Variants in MACROD2 observed in about 807,000 individuals in gnomAD.
The protein encoded by MACROD2 is ADP-ribose glycohydrolase MACROD2.
A neutral mutation model predicts 70.4 loss-of-function variants in MACROD2; 36 were observed. That is an observed-to-expected ratio of 0.51 (90% confidence interval 0.39 to 0.68). MACROD2 has a LOEUF of 0.68. Among genes scored for constraint, MACROD2 ranks in the 30% least tolerant of loss-of-function variants. MACROD2 has a pLI of 0.00. For missense variants in MACROD2, 496 were observed against 538.4 expected (o/e 0.92, Z 0.78); for synonymous variants, 172 against 178.8 (o/e 0.96, Z 0.30).
At chr20:14,436,210 A>G (rs1397527144) in intron 3 of MACROD2, among the ~76,000 whole-genome samples, 1 of 152,164 alleles carries the variant, frequency 6.6e-6, no homozygotes. Context: ...AAGTGATACA[A>G]TGTCATGCAT....
At chr20:15,800,616 C>T (rs753803866) in intron 8 of MACROD2, among the ~76,000 whole-genome samples, 7 of 152,112 alleles carry the variant, frequency 4.6e-5, no homozygotes, top group African/African-American at 1.2e-4. Context: ...AGGTGAGGGG[C>T]GCCTCTGCCC....
chr20:14,280,521 A>G (rs377424445), intron 3 of MACROD2, among the ~76,000 whole-genome samples: 8 of 152,158 alleles, frequency 5.3e-5, no homozygotes, highest in Non-Finnish European at 1.2e-4. Flanking sequence ...CTAGATTAGC[A>G]GGTATCTGAC....
chr20:15,312,823 ATG>A (rs1291011713), intron 6 of MACROD2, among the ~76,000 whole-genome samples: 1 of 152,096 alleles, frequency 6.6e-6, no homozygotes, highest in Non-Finnish European at 1.5e-5. Flanking sequence ...ATTCCATTAT[ATG>A]TGTGTGTATA....
At chr20:14,558,241 G>A (rs771231272) in intron 4 of MACROD2, among the ~76,000 whole-genome samples, 6 of 151,846 alleles carry the variant, frequency 4.0e-5, no homozygotes, top group South Asian at 4.1e-4. Flanking sequence ...TTTCTTTGGC[G>A]GATGAAGAAA....
chr20:14,784,681 G>GC (rs2072345874), intron 5 of MACROD2, among the ~76,000 whole-genome samples: 2 of 108,392 alleles, frequency 1.8e-5, no homozygotes, highest in Non-Finnish European at 3.9e-5. Flanking sequence ...GGGGGGGGGG[G>GC]CACCAGATTC....
chr20:15,765,079 G>C (rs1020432292), intron 8 of MACROD2, among the ~76,000 whole-genome samples: 5 of 151,994 alleles, frequency 3.3e-5, no homozygotes, highest in African/African-American at 1.2e-4. Flanking sequence ...CTTCTCAAAT[G>C]GCACTTCCTC....
intron 5 of MACROD2, among the ~76,000 whole-genome samples, chr20:15,006,267 G>A (rs1275829728): frequency 6.6e-6 from 1 of 150,538 alleles, no homozygotes; most frequent in Non-Finnish European, 1.5e-5. Context: ...AAGAAAAATA[G>A]ATCCATGACC....
intron 9 of MACROD2, among the ~76,000 whole-genome samples, chr20:15,883,227 G>T (rs2064780190): frequency 6.6e-6 from 1 of 151,988 alleles, no homozygotes; most frequent in South Asian, 2.1e-4. Flanking sequence ...AAACTGTAGA[G>T]ACTCTTTTTT....
intron 5 of MACROD2, among the ~76,000 whole-genome samples, chr20:14,756,352 A>G (rs1002874703): frequency 1.3e-5 from 2 of 152,188 alleles, no homozygotes; most frequent in African/African-American, 4.8e-5. Context: ...TCAACATTTC[A>G]TCTTATTTTT....
chr20:14,060,688 T>C (rs1055951906), intron 2 of MACROD2, among the ~76,000 whole-genome samples: 3 of 152,168 alleles, frequency 2.0e-5, no homozygotes, highest in Non-Finnish European at 2.9e-5. Flanking sequence ...AGTCCACTTA[T>C]GCTATTATGT....
At chr20:15,396,814 C>G (rs939222502) in intron 6 of MACROD2, among the ~76,000 whole-genome samples, 22 of 152,164 alleles carry the variant, frequency 1.4e-4, no homozygotes, top group Non-Finnish European at 5.9e-5. Context: ...CTTTTATGCT[C>G]CCACTCATCT....
At chr20:14,473,475 G>A (rs2084553492) in intron 3 of MACROD2, among the ~76,000 whole-genome samples, 1 of 152,182 alleles carries the variant, frequency 6.6e-6, no homozygotes, top group Non-Finnish European at 1.5e-5. Flanking sequence ...GCAAGTGACA[G>A]AACTGTCTTG....
At chr20:14,249,859 G>A (rs3747927) in intron 3 of MACROD2, among the ~76,000 whole-genome samples, 90,286 of 151,774 alleles carry the variant, frequency 0.59, 27,142 homozygotes, top group Non-Finnish European at 0.63. Context: ...GATAATGGAG[G>A]AACTGAATAA....
intron 3 of MACROD2, among the ~76,000 whole-genome samples, chr20:14,178,892 G>A (rs1717842088): frequency 6.6e-6 from 1 of 151,936 alleles, no homozygotes; most frequent in Admixed American, 6.6e-5. Flanking sequence ...CTTACACGAT[G>A]GTTCCAAACT....
chr20:15,772,239 T>C (rs1465599656), intron 8 of MACROD2, among the ~76,000 whole-genome samples: 1 of 145,534 alleles, frequency 6.9e-6, no homozygotes, highest in Non-Finnish European at 1.5e-5. Context: ...AACTAAGGAC[T>C]GTGTACCTAT....
intron 8 of MACROD2, among the ~76,000 whole-genome samples, chr20:15,730,716 T>C (rs1313180167): frequency 6.6e-6 from 1 of 151,544 alleles, no homozygotes; most frequent in East Asian, 1.9e-4. Context: ...ATTTCCTGAA[T>C]TTGAATGTTG....
chr20:14,329,508 G>A (rs1481583342), intron 3 of MACROD2, among the ~76,000 whole-genome samples: 1 of 152,002 alleles, frequency 6.6e-6, no homozygotes, highest in East Asian at 1.9e-4. Context: ...AAATAAAGTA[G>A]GAGCCAAAGT....
chr20:15,036,570 C>T (rs1252817065), intron 5 of MACROD2, among the ~76,000 whole-genome samples: 1 of 152,150 alleles, frequency 6.6e-6, no homozygotes, highest in African/African-American at 2.4e-5. Context: ...CATAATCACG[C>T]ACTCATCTTG....
At chr20:15,540,265 C>T (rs2047937934) in intron 8 of MACROD2, among the ~76,000 whole-genome samples, 1 of 152,174 alleles carries the variant, frequency 6.6e-6, no homozygotes, top group Non-Finnish European at 1.5e-5. Context: ...AAATGTCAAT[C>T]TACAGAGTTA....
Sources: gnomAD v4.1 joint callset for allele counts (sites outside exome capture counted in the v4.1 genomes callset) on GRCh38, gnomAD v4.1.1 for gene constraint, MANE v1.5 for transcripts, NCBI Gene and HGNC (gene_info 2026-07-23, HGNC 2026-07-21) for gene names.